MAST2: variants seen among roughly 807,000 people sequenced by gnomAD.
MAST2 encodes microtubule-associated serine/threonine-protein kinase 2.
Under a neutral mutation model 147.4 loss-of-function variants are expected in MAST2, and 70 were observed. The observed-to-expected ratio is 0.47, with a 90% confidence interval of 0.39 to 0.58. The LOEUF (loss-of-function observed/expected upper bound fraction) is 0.58, where lower values mean the gene tolerates loss of function less well. Among genes scored for constraint, MAST2 ranks in the 20% least tolerant of loss-of-function variants. MAST2 has a pLI of 0.00. For missense variants in MAST2, 2,080 were observed against 2,302.3 expected, an observed-to-expected ratio of 0.90 and a Z score of 1.98; for synonymous variants, 869 against 896.8, an observed-to-expected ratio of 0.97 and a Z score of 0.55.
chr1:45,973,075 T>G (rs1643985587), intron 5 of MAST2, among the ~76,000 whole-genome samples: 1 of 152,216 alleles, frequency 6.6e-6, no homozygotes, highest in Admixed American at 6.5e-5. Flanking sequence ...GCTGTAAAAC[T>G]CTTCATACAT....
At chr1:45,917,295 G>A (rs780718763) in intron 4 of MAST2, 14 of 1,293,342 alleles carry the variant, frequency 1.1e-5, no homozygotes, top group Non-Finnish European at 1.4e-5. Flanking sequence ...TGGTTGAAAA[G>A]TTATCACTGA....
intron 3 of MAST2, among the ~76,000 whole-genome samples, chr1:45,851,071 A>T (rs569073104): frequency 6.6e-6 from 1 of 152,228 alleles, no homozygotes; most frequent in South Asian, 2.1e-4. Flanking sequence ...GGCTGTTTCA[A>T]CAGTATTGAT....
intron 3 of MAST2, among the ~76,000 whole-genome samples, chr1:45,839,586 T>TA (rs1439215152): frequency 6.6e-6 from 1 of 152,182 alleles, no homozygotes; most frequent in African/African-American, 2.4e-5. Flanking sequence ...GGAAGACTCA[T>TA]ATCATGAAGA....
At chr1:45,973,714 A>C (rs761890095) in intron 5 of MAST2, among the ~76,000 whole-genome samples, 1 of 152,224 alleles carries the variant, frequency 6.6e-6, no homozygotes, top group Non-Finnish European at 1.5e-5. Flanking sequence ...AAAAGGAAAG[A>C]GGAAAACTTA....
intron 5 of MAST2, among the ~76,000 whole-genome samples, chr1:45,985,381 A>T (rs1348781858): frequency 6.6e-6 from 1 of 152,160 alleles, no homozygotes; most frequent in African/African-American, 2.4e-5. Flanking sequence ...GGCGTGAGCC[A>T]CCGCACCCAG....
chr1:45,921,198 G>A (rs6660835), intron 4 of MAST2, among the ~76,000 whole-genome samples: 67,920 of 151,896 alleles, frequency 0.45, 15,373 homozygotes, highest in East Asian at 0.63. Context: ...GTTTCACCAC[G>A]TTGGTCAGGC....
intron 3 of MAST2, among the ~76,000 whole-genome samples, chr1:45,878,854 T>A (rs1646718133): frequency 6.6e-6 from 1 of 151,652 alleles, no homozygotes; most frequent in African/African-American, 2.4e-5. Flanking sequence ...AATGGAGAAG[T>A]ACTATGTTCA....
At chr1:45,867,809 A>G (rs1646219531) in intron 3 of MAST2, among the ~76,000 whole-genome samples, 1 of 152,208 alleles carries the variant, frequency 6.6e-6, no homozygotes, top group South Asian at 2.1e-4. Context: ...AGTAACAGAA[A>G]TTTTGACTCT....
At chr1:46,027,598 C>G (rs1173894028) in intron 16 of MAST2, 133 bp from the exon 17 acceptor site, 3 of 917,492 alleles carry the variant, frequency 3.3e-6, no homozygotes, top group Admixed American at 2.5e-5. Context: ...CCTGTCCCCC[C>G]AGCTGAAGCT....
chr1:45,978,791 G>C (rs1644278567), intron 5 of MAST2, among the ~76,000 whole-genome samples: 1 of 152,170 alleles, frequency 6.6e-6, no homozygotes, highest in African/African-American at 2.4e-5. Context: ...ATTTCATAGA[G>C]GCAGAAAGTA....
In MAST2 at chr1:46,029,498, C is replaced by A; in HGVS notation, c.2251C>A (p.Leu751Met). 1.2e-6 allele frequency: 2 copies of A among 1,614,152 alleles called. No individual in the cohort carries two copies. Reference protein sequence around the residue: ...EIVWPEGDEALPPDAQDLTSK... With the variant: ...EIVWPEGDEAMPPDAQDLTSK... The stretch of plus-strand genomic sequence containing the variant: ...TGTGTGGCCTGAGGGTGATGAGGCA[C>A]TGCCCCCAGACGCCCAGGACCTCAC... Residue 751 changes from leucine to methionine, a missense_variant, in exon 19 of 29, where the codon CTG becomes ATG. By Grantham distance (15) the Leu-to-Met change is conservative. Coordinates refer to ENST00000361297, the MANE Select transcript of MAST2 (RefSeq NM_015112.3).
chr1:45,902,891 G>A (rs1650019919), intron 4 of MAST2, among the ~76,000 whole-genome samples: 1 of 151,906 alleles, frequency 6.6e-6, no homozygotes, highest in Non-Finnish European at 1.5e-5. Context: ...AATCTACCTA[G>A]CAGTTTAACA....
At chr1:45,881,458 C>T (rs961802026) in intron 3 of MAST2, among the ~76,000 whole-genome samples, 1 of 152,138 alleles carries the variant, frequency 6.6e-6, no homozygotes, top group East Asian at 1.9e-4. Flanking sequence ...TCCAAAAACA[C>T]GTATTGAAAA....
intron 1 of MAST2, among the ~76,000 whole-genome samples, chr1:45,806,865 C>T (rs1376703405): frequency 6.6e-6 from 1 of 152,180 alleles, no homozygotes; most frequent in African/African-American, 2.4e-5. Flanking sequence ...GCGTGAACTA[C>T]CACGGCCTAA....
chr1:45,917,293 A>C (rs759030362), intron 4 of MAST2: 18 of 1,279,524 alleles, frequency 1.4e-5, no homozygotes, highest in Middle Eastern at 4.5e-4. Flanking sequence ...TTTGGTTGAA[A>C]AGTTATCACT....
chr1:45,924,182 GT>G (rs910792347), intron 4 of MAST2, among the ~76,000 whole-genome samples: 10 of 151,936 alleles, frequency 6.6e-5, no homozygotes, highest in African/African-American at 2.4e-4. Context: ...AAATCCCTCT[GT>G]TTTTTTAGGC....
chr1:45,995,315 G>C (rs969294017), intron 5 of MAST2, among the ~76,000 whole-genome samples: 1 of 152,082 alleles, frequency 6.6e-6, no homozygotes, highest in Non-Finnish European at 1.5e-5. Context: ...TGAGTTTTGA[G>C]CGATTTGACT....
chr1:45,952,291 C>T (rs972394857), intron 4 of MAST2, among the ~76,000 whole-genome samples: 1 of 152,126 alleles, frequency 6.6e-6, no homozygotes, highest in African/African-American at 2.4e-5. Context: ...ATGTATGATT[C>T]AGTTTCTGTG....
chr1:46,022,206 A>G, intron 12 of MAST2, 124 bp downstream of exon 12: 3 of 1,181,648 alleles, frequency 2.5e-6, no homozygotes, highest in Non-Finnish European at 3.6e-6. Context: ...CGGGGGCCTC[A>G]GGATTTTAGG....
Sources: gnomAD v4.1 joint callset for allele counts (sites outside exome capture counted in the v4.1 genomes callset) on GRCh38, gnomAD v4.1.1 for gene constraint, MANE v1.5 for transcripts, NCBI Gene and HGNC (gene_info 2026-07-23, HGNC 2026-07-21) for gene names.